Variants in TIFAB observed in about 807,000 individuals in gnomAD.
TIFAB encodes the protein TRAF-interacting protein with FHA domain-containing protein B.
For missense variants in TIFAB, 222 were observed against 203.6 expected (o/e 1.09, Z -0.55); for synonymous variants, 116 against 95.2 (o/e 1.22, Z -1.27).
In TIFAB at chr5:135,447,008, G is replaced by T. The variant is rs1376361072; in HGVS notation, c.*2446C>A. 1.2e-6 allele frequency: 2 copies of T among 1,613,692 alleles called. No homozygotes were observed. The highest frequency in any genetic ancestry group is 3.3e-5 in the Admixed American group (2 of 59,972). On this transcript the variant is annotated 3_prime_UTR_variant, in exon 2 of 2. Coordinates refer to ENST00000537858, the MANE Select transcript of TIFAB (RefSeq NM_001099221.2). ...GGAGTGGCACCCTGGGAACTCTGGG[G>T]TTTCCCCACCAGCTCCTCTCTCCAG...
intron 1 of TIFAB, among the ~76,000 whole-genome samples, chr5:135,451,798 C>T (rs1050370463): frequency 1.3e-5 from 2 of 152,154 alleles, no homozygotes; most frequent in Non-Finnish European, 1.5e-5. Context: ...AGCCTTTTCT[C>T]GAGGTATGCG....
chr5:135,449,634 G>C lies in TIFAB; in HGVS notation c.306C>G (p.Val102=). The C allele has an allele frequency of 6.2e-7, 1 of 1,614,224 alleles. No individual in the cohort carries two copies. Among genetic ancestry groups the C allele is most frequent in the Non-Finnish European group, 8.5e-7 (1 of 1,180,048 alleles). ...RYLEQVPLST[V]NRVSFSGIQM... is the part of the protein sequence containing the mutation. ...GGATGCCTGAGAAGGAGACCCTGTT[G>C]ACGGTGCTCAGGGGGACCTGCTCCA... Residue 102 remains valine, a synonymous_variant, in exon 2 of 2, where the codon GTC becomes GTG. Coordinates refer to ENST00000537858, the MANE Select transcript of TIFAB (RefSeq NM_001099221.2).
chr5:135,451,174 G>A lies in TIFAB; in HGVS notation c.-11+1035C>T, dbSNP rs867022121. 1.1e-4 allele frequency among the ~76,000 whole-genome samples: 17 copies of A among 151,894 alleles called. No individual in the cohort carries two copies. In the South Asian group the frequency reaches 2.1e-3, roughly 19 times the overall value. The stretch of plus-strand genomic sequence containing the variant: ...GGGCACATTTGCCGAGTGGCTAAAT[G>A]AGAAGCCCACACACACACATGGTGA... On this transcript the variant is annotated intron_variant, in intron 1 of 1. Coordinates refer to ENST00000537858, the MANE Select transcript of TIFAB (RefSeq NM_001099221.2).
intron 1 of TIFAB, among the ~76,000 whole-genome samples, chr5:135,450,905 T>G (rs1237421717): frequency 2.0e-5 from 3 of 152,228 alleles, no homozygotes; most frequent in Non-Finnish European, 4.4e-5. Context: ...AGGTGACCTT[T>G]CGCTGCCTTC....
At chr5:135,451,736 G>A (rs999533580) in intron 1 of TIFAB, among the ~76,000 whole-genome samples, 6 of 152,086 alleles carry the variant, frequency 3.9e-5, no homozygotes, top group African/African-American at 1.4e-4. Flanking sequence ...CGCCCGCCCC[G>A]ACCTTCCAAA....
At chr5:135,450,074 G>T in intron 1 of TIFAB, 125 bp from the exon 2 acceptor site, 2 of 1,310,432 alleles carry the variant, frequency 1.5e-6, no homozygotes, top group Non-Finnish European at 2.1e-6. Context: ...CTCTGCCCAA[G>T]CCAGGATGGA....
Position 135,448,607 on chromosome 5 carries a change from C to T in TIFAB, c.*847G>A, listed in dbSNP as rs1167999275. ...GACCTTGCCCTCAAGTCAACCAAGGCCTTGATCCAGAAGTGACAGAGAATG... is the reference window on the plus strand; with the variant it reads ...GACCTTGCCCTCAAGTCAACCAAGGTCTTGATCCAGAAGTGACAGAGAATG... On this transcript the variant is annotated 3_prime_UTR_variant, in exon 2 of 2. Coordinates refer to ENST00000537858, the MANE Select transcript of TIFAB (RefSeq NM_001099221.2). 6.6e-6 allele frequency: 1 copy of T among 151,994 alleles called. No homozygotes were observed. The highest frequency in any genetic ancestry group is 1.5e-5 in the Non-Finnish European group (1 of 68,028). 9.4% of individuals were successfully genotyped at this position (151,994 alleles called of 1,614,324 possible).
In TIFAB at chr5:135,445,672, C is replaced by CT. The variant is rs944219628; in HGVS notation, c.*3781_*3782insA. The CT allele has an allele frequency of 6.6e-6, 1 of 152,388 alleles. No individual in the cohort carries two copies. The highest frequency in any genetic ancestry group is 2.4e-5 in the African/African-American group (1 of 41,462). The allele number at this position is 152,388 out of a possible 1,614,324, so 9.4% of individuals were successfully genotyped here. A position where few individuals can be genotyped will look rare whatever the true frequency, so the allele number is the denominator to read the frequency against. On this transcript the variant is annotated 3_prime_UTR_variant, in exon 2 of 2. Coordinates refer to ENST00000537858, the MANE Select transcript of TIFAB (RefSeq NM_001099221.2). Reference sequence around the variant, plus strand: ...GGAACTTGAGGTCTCACCGGGCAGACAGGCACGGAGTGAGTGCTCCACCAT... The same window carrying CT: ...GGAACTTGAGGTCTCACCGGGCAGACTAGGCACGGAGTGAGTGCTCCACCAT...
At position 135,449,399 on chromosome 5, in the gene TIFAB, G is replaced by A. The variant is rs1769326240; in HGVS notation, c.*55C>T. The A allele has an allele frequency of 1.9e-6, 3 of 1,593,424 alleles. No homozygotes were observed. Among genetic ancestry groups the A allele is most frequent in the South Asian group, 1.1e-5 (1 of 88,094 alleles). ...TCCTCCTCCAGGTCTTGGCTGGAGA[G>A]GGCTGTCCCAAGTCTGGGAAGGGCC... On this transcript the variant is annotated 3_prime_UTR_variant, in exon 2 of 2. Coordinates refer to ENST00000537858, the MANE Select transcript of TIFAB (RefSeq NM_001099221.2).
rs372976487 is a variant in TIFAB, at chr5:135,446,689, C to G, written c.*2765G>C. The G allele has an allele frequency of 6.2e-7, 1 of 1,613,760 alleles. No homozygotes were observed. The highest frequency in any genetic ancestry group is 1.7e-5 in the Admixed American group (1 of 60,024). On this transcript the variant is annotated 3_prime_UTR_variant, in exon 2 of 2. Coordinates refer to ENST00000537858, the MANE Select transcript of TIFAB (RefSeq NM_001099221.2). ...CCGGTGAGACTGTGTGAACTGTGAA[C>G]GGGTAGAGTCTGAAACTACAAACCA...
Position 135,445,834 on chromosome 5 carries a change from C to G in TIFAB, c.*3620G>C, listed in dbSNP as rs1175824062. The G allele has an allele frequency of 1.3e-5, 2 of 153,118 alleles. No homozygotes were observed. Among genetic ancestry groups the G allele is most frequent in the African/African-American group, 4.8e-5 (2 of 41,476 alleles). 9.5% of individuals were successfully genotyped at this position (153,118 alleles called of 1,614,324 possible). A position where few individuals can be genotyped will look rare whatever the true frequency, so the allele number is the denominator to read the frequency against. ...TCCCTCGAGGGGAGCCCGTGTCTCT[C>G]ACGGACAGCTTGGCAAGATTCACAT... On this transcript the variant is annotated 3_prime_UTR_variant, in exon 2 of 2. Transcript: ENST00000537858.
Position 135,449,817 on chromosome 5 carries a change from C to T in TIFAB, c.123G>A (p.Gly41=), listed in dbSNP as rs376343233. The change falls in exon 2 of 2, where the codon GGG becomes GGA. Residue 41 remains glycine (G), a synonymous_variant. Coordinates refer to ENST00000537858, the MANE Select transcript of TIFAB (RefSeq NM_001099221.2). ...HDTSPLLLGR[G]QDAHLQLQLP... Reference sequence around the variant, plus strand: ...GCTGCAGCTGGAGGTGGGCGTCCTGCCCCCGTCCGAGAAGCAGAGGGCTGG... The same window carrying T: ...GCTGCAGCTGGAGGTGGGCGTCCTGTCCCCGTCCGAGAAGCAGAGGGCTGG... 7.9e-5 allele frequency: 127 copies of T among 1,609,634 alleles called. No homozygotes were observed. The highest frequency in any genetic ancestry group is 1.1e-4 in the Non-Finnish European group (124 of 1,176,896).
rs112827541 is a variant in TIFAB, at chr5:135,446,523, G to A, written c.*2931C>T. ...GACCAGGCCCTGAAGCCAGCCTGAC[G>A]GTTCCAGCTGTTAGGAGAAAGTGAA... On this transcript the variant is annotated 3_prime_UTR_variant, in exon 2 of 2. Transcript: ENST00000537858. The A allele has an allele frequency of 4.0e-5, 64 of 1,613,868 alleles. No homozygotes were observed. Among genetic ancestry groups the A allele is most frequent in the African/African-American group, 1.3e-4 (10 of 74,908 alleles).
Position 135,444,613 on chromosome 5 carries a change from C to T in TIFAB, c.*4841G>A, listed in dbSNP as rs1021082647. 6.6e-6 allele frequency: 1 copy of T among 152,296 alleles called. No homozygotes were observed. The highest frequency in any genetic ancestry group is 1.5e-5 in the Non-Finnish European group (1 of 68,098). The allele number at this position is 152,296 out of a possible 1,614,324, so 9.4% of individuals were successfully genotyped here. On this transcript the variant is annotated 3_prime_UTR_variant, in exon 2 of 2. Transcript: ENST00000537858. Reference sequence around the variant, plus strand: ...AGCCCACTGCAGGGGTGGTGGAGGTCGCAATGCGCTGTCCCCACCACATGG... The same window carrying T: ...AGCCCACTGCAGGGGTGGTGGAGGTTGCAATGCGCTGTCCCCACCACATGG...
At position 135,449,153 on chromosome 5, in the gene TIFAB, A is replaced by G; in HGVS notation, c.*301T>C. 2.3e-6 allele frequency: 1 copy of G among 432,242 alleles called. No individual in the cohort carries two copies. The highest frequency in any genetic ancestry group is 4.3e-6 in the Non-Finnish European group (1 of 233,756). The allele number at this position is 432,242 out of a possible 1,614,324, so 26.8% of individuals were successfully genotyped here. A position where few individuals can be genotyped will look rare whatever the true frequency, so the allele number is the denominator to read the frequency against. ...GTATATGATGTTCCCATTACATTGC[A>G]TAGCTCTGGCCACAGAGGGTGCTTC... On this transcript the variant is annotated 3_prime_UTR_variant, in exon 2 of 2. Coordinates refer to ENST00000537858, the MANE Select transcript of TIFAB (RefSeq NM_001099221.2).
At chr5:135,449,986 C>T in intron 1 of TIFAB, 37 bp from the exon 2 acceptor site, 1 of 1,511,828 alleles carries the variant, frequency 6.6e-7, no homozygotes, top group Non-Finnish European at 8.8e-7. Context: ...GGCTCAGCTT[C>T]AGTCAGAGAC....
Position 135,444,656 on chromosome 5 carries a change from A to G in TIFAB, c.*4798T>C, listed in dbSNP as rs1035552488. 8 of 152,272 alleles carry G rather than the reference A, an allele frequency of 5.3e-5. No homozygotes were observed. The highest frequency in any genetic ancestry group is 2.6e-4 in the Admixed American group (4 of 15,294). The allele number at this position is 152,272 out of a possible 1,614,324, so 9.4% of individuals were successfully genotyped here. On this transcript the variant is annotated 3_prime_UTR_variant, in exon 2 of 2. Coordinates refer to ENST00000537858, the MANE Select transcript of TIFAB (RefSeq NM_001099221.2). ...CCACATGGAGCTTGCTTGCCTCCGC[A>G]CCTCTTTGCTGGCTGCAGCCTTGCT...
In TIFAB at chr5:135,446,306, A is replaced by T. The variant is rs1173943877; in HGVS notation, c.*3148T>A. 16 of 1,522,332 alleles carry T rather than the reference A, an allele frequency of 1.1e-5. No homozygotes were observed. The highest frequency in any genetic ancestry group is 1.4e-5 in the Non-Finnish European group (16 of 1,133,488). The allele number at this position is 1,522,332 out of a possible 1,614,324, so 94.3% of individuals were successfully genotyped here. A position where few individuals can be genotyped will look rare whatever the true frequency, so the allele number is the denominator to read the frequency against. On this transcript the variant is annotated 3_prime_UTR_variant, in exon 2 of 2. Coordinates refer to ENST00000537858, the MANE Select transcript of TIFAB (RefSeq NM_001099221.2). Reference sequence around the variant, plus strand: ...AGGGCCCTAGCTGGGAGCAGCGTTCATGTGCACTGTATGTTCGTGTTTAGT... The same window carrying T: ...AGGGCCCTAGCTGGGAGCAGCGTTCTTGTGCACTGTATGTTCGTGTTTAGT...
In TIFAB at chr5:135,448,972, G is replaced by T. The variant is rs757954173; in HGVS notation, c.*482C>A. The stretch of plus-strand genomic sequence containing the variant: ...ACCCCAAGCTACCACAAATGTAATT[G>T]TTACATGTGTCCACGCATTCCTGGT... On this transcript the variant is annotated 3_prime_UTR_variant, in exon 2 of 2. Coordinates refer to ENST00000537858, the MANE Select transcript of TIFAB (RefSeq NM_001099221.2). 6 of 167,532 alleles carry T rather than the reference G, an allele frequency of 3.6e-5. No individual in the cohort carries two copies. The highest frequency in any genetic ancestry group is 1.4e-4 in the African/African-American group (6 of 42,056). 10.4% of individuals were successfully genotyped at this position (167,532 alleles called of 1,614,324 possible).
Sources: gnomAD v4.1 joint callset for allele counts (sites outside exome capture counted in the v4.1 genomes callset) on GRCh38, gnomAD v4.1.1 for gene constraint, MANE v1.5 for transcripts, NCBI Gene and HGNC (gene_info 2026-07-23, HGNC 2026-07-21) for gene names.